Variants in PTCHD1 observed in about 807,000 individuals in gnomAD.
PTCHD1 encodes the protein patched domain containing 1.
Under a neutral mutation model 34.6 loss-of-function variants are expected in PTCHD1, and 3 were observed. The observed-to-expected ratio is 0.09, with a 90% CI of 0.04 to 0.22. PTCHD1 has a LOEUF of 0.22. Among genes scored for constraint, PTCHD1 ranks in the 10% least tolerant of loss-of-function variants. The pLI is 1.00. For missense variants in PTCHD1, 504 were observed against 685.5 expected (o/e 0.74, Z 2.96); for synonymous variants, 305 against 283.1 (o/e 1.08, Z -0.77).
chrX:23,345,684 A>G (rs1316620317), intron 1 of PTCHD1, among the ~76,000 whole-genome samples: 1 of 111,367 alleles, frequency 9.0e-6, no homozygotes, highest in Non-Finnish European at 1.9e-5. Context: ...TTGCTGGTCT[A>G]GGGACCACAC....
In PTCHD1 at chrX:23,360,596, C is replaced by A. The variant is rs747514428; in HGVS notation, c.352-18995C>A. Among the ~76,000 whole-genome samples, 17 of 111,506 alleles carry A rather than the reference C, an allele frequency of 1.5e-4. 1 individual carries two copies. In the East Asian group the frequency reaches 4.2e-3, roughly 28 times the overall value. On this transcript the variant is annotated intron_variant, in intron 1 of 2. Coordinates refer to ENST00000379361, the MANE Select transcript of PTCHD1 (RefSeq NM_173495.3). ...CTATTTTGTTGATCTTTTCAAAAAA[C>A]CAGCTCCTGGATTCACTGATTTTTT...
Position 23,393,952 on chromosome X carries a change from C to A in PTCHD1, c.2434C>A (p.Leu812Ile). ...YLCYIVGLIPLAAVPSNLTCT... is the reference protein window; with the variant it reads ...YLCYIVGLIPIAAVPSNLTCT... ...CTGCTATATTGTTGGTCTGATTCCT[C>A]TTGCAGCTGTGCCTTCAAATCTGAC... The change falls in exon 3 of 3, where the codon CTT becomes ATT. Residue 812 changes from leucine (L) to isoleucine (I), a missense_variant. Physicochemically the swap from Leu to Ile is conservative, Grantham distance 5. Transcript: ENST00000379361. The A allele has an allele frequency of 8.3e-7, 1 of 1,210,231 alleles. No homozygotes were observed.
chrX:23,393,930 C>T lies in PTCHD1; in HGVS notation c.2412C>T (p.Cys804=). The T allele has an allele frequency of 8.3e-7, 1 of 1,210,472 alleles. No homozygotes were observed. The highest frequency in any genetic ancestry group is 1.1e-6 in the Non-Finnish European group (1 of 894,553). The change falls in exon 3 of 3, where the codon TGC becomes TGT. Residue 804 remains cysteine, a synonymous_variant. Coordinates refer to ENST00000379361, the MANE Select transcript of PTCHD1 (RefSeq NM_173495.3). The part of the protein sequence containing the change: ...HGVAILQSYL[C]YIVGLIPLAA... ...TAGCTATTTTACAGAGTTACCTCTGCTATATTGTTGGTCTGATTCCTCTTG... is the reference window on the plus strand; with the variant it reads ...TAGCTATTTTACAGAGTTACCTCTGTTATATTGTTGGTCTGATTCCTCTTG...
At chrX:23,357,471 A>C (rs1460786813) in intron 1 of PTCHD1, among the ~76,000 whole-genome samples, 1 of 111,168 alleles carries the variant, frequency 9.0e-6, no homozygotes, top group Non-Finnish European at 1.9e-5. Context: ...TTTGGGAAAC[A>C]AACTAAATAT....
chrX:23,385,222 T>G (rs1922657192), intron 2 of PTCHD1, among the ~76,000 whole-genome samples: 1 of 112,007 alleles, frequency 8.9e-6, no homozygotes, highest in South Asian at 3.7e-4. Context: ...TTCTTGCCCT[T>G]TTATTCTTAT....
In PTCHD1 at chrX:23,403,184, C is replaced by T. The variant is rs1277229360; in HGVS notation, c.*8999C>T. 8.9e-6 allele frequency: 1 copy of T among 112,179 alleles called. No homozygotes were observed. Among genetic ancestry groups the T allele is most frequent in the Non-Finnish European group, 1.9e-5 (1 of 53,201 alleles). The allele number at this position is 112,179 out of a possible 1,213,427, so 9.2% of individuals were successfully genotyped here. On this transcript the variant is annotated 3_prime_UTR_variant, in exon 3 of 3. Transcript: ENST00000379361. Reference sequence around the variant, plus strand: ...AGACCACAGCTTGTCAAAGTAACCACTAATTCAGTATTCAGAAACCTTATC... The same window carrying T: ...AGACCACAGCTTGTCAAAGTAACCATTAATTCAGTATTCAGAAACCTTATC...
rs1309856234 is a variant in PTCHD1, at chrX:23,349,825, ACTC to A, written c.351+14600_351+14602del. 8.2e-5 allele frequency among the ~76,000 whole-genome samples: 9 copies of A among 110,226 alleles called. 1 individual carries two copies. The highest frequency in any genetic ancestry group is 2.6e-4 in the African/African-American group (8 of 30,294). Reference sequence around the variant, plus strand: ...CAGAGTAAGGGACAGCATGTCTACTACTCTGGGAAAATACATAATCCGACTCTA... The same window carrying A: ...CAGAGTAAGGGACAGCATGTCTACTATGGGAAAATACATAATCCGACTCTA... On this transcript the variant is annotated intron_variant, in intron 1 of 2. Coordinates refer to ENST00000379361, the MANE Select transcript of PTCHD1 (RefSeq NM_173495.3).
rs147609938 is a variant in PTCHD1, at chrX:23,374,043, G to A, written c.352-5548G>A. Among the ~76,000 whole-genome samples the A allele has an allele frequency of 3.8e-3, 413 of 109,870 alleles. 5 individuals are homozygous for A. The highest frequency in any genetic ancestry group is 0.013 in the African/African-American group (399 of 30,208). ...GAAGAAGTGGGAAGGGGGTGGAAAC[G>A]TGAGACAAGGAAGGGAAGACAGCCT... On this transcript the variant is annotated intron_variant, in intron 1 of 2. Transcript: ENST00000379361.
At chrX:23,390,163 G>A (rs1041769191) in intron 2 of PTCHD1, among the ~76,000 whole-genome samples, 2 of 110,636 alleles carry the variant, frequency 1.8e-5, no homozygotes, top group Admixed American at 9.6e-5. Flanking sequence ...TTCTAATTCC[G>A]CTATATGCTT....
In PTCHD1 at chrX:23,397,779, A is replaced by G. The variant is rs1264057551; in HGVS notation, c.*3594A>G. 9.0e-6 allele frequency: 1 copy of G among 111,173 alleles called. No homozygotes were observed. The highest frequency in any genetic ancestry group is 1.9e-5 in the Non-Finnish European group (1 of 53,052). The allele number at this position is 111,173 out of a possible 1,213,427, so 9.2% of individuals were successfully genotyped here. A position where few individuals can be genotyped will look rare whatever the true frequency, so the allele number is the denominator to read the frequency against. On this transcript the variant is annotated 3_prime_UTR_variant, in exon 3 of 3. Coordinates refer to ENST00000379361, the MANE Select transcript of PTCHD1 (RefSeq NM_173495.3). Reference sequence around the variant, plus strand: ...CACTTTTCTCCAGTGTCAATGACAGAGCTCAGCTGTGTCCATCACAAGAAA... The same window carrying G: ...CACTTTTCTCCAGTGTCAATGACAGGGCTCAGCTGTGTCCATCACAAGAAA...
intron 1 of PTCHD1, among the ~76,000 whole-genome samples, chrX:23,346,350 C>G (rs1921477945): frequency 9.0e-6 from 1 of 110,914 alleles, no homozygotes; most frequent in South Asian, 3.9e-4. Flanking sequence ...GAGATCCGAC[C>G]CACTCGGAAT....
chrX:23,392,425 T>C, intron 2 of PTCHD1, 106 bp from the exon 3 acceptor site: 1 of 557,417 alleles, frequency 1.8e-6, no homozygotes, highest in East Asian at 3.4e-5. Context: ...ACCACTAGGG[T>C]TGATTACGTT....
chrX:23,383,492 A>G lies in PTCHD1; in HGVS notation c.1012+3241A>G, dbSNP rs908192772. On this transcript the variant is annotated intron_variant, in intron 2 of 2. Coordinates refer to ENST00000379361, the MANE Select transcript of PTCHD1 (RefSeq NM_173495.3). ...ACCTGACAAAATTCCAGAAGAGGAA[A>G]GAATTTGGATAAACTCTTAAGAGTT... Among the ~76,000 whole-genome samples, 22 of 112,055 alleles carry G rather than the reference A, an allele frequency of 2.0e-4. 1 individual carries two copies. The highest frequency in any genetic ancestry group is 5.8e-4 in the African/African-American group (18 of 30,855).
intron 1 of PTCHD1, among the ~76,000 whole-genome samples, chrX:23,356,602 C>G (rs1247830701): frequency 9.0e-6 from 1 of 111,710 alleles, no homozygotes; most frequent in Non-Finnish European, 1.9e-5. Flanking sequence ...CTTCCAGCCT[C>G]AAATCAAATA....
chrX:23,390,103 T>A (rs1922790600), intron 2 of PTCHD1, among the ~76,000 whole-genome samples: 1 of 112,067 alleles, frequency 8.9e-6, no homozygotes, highest in African/African-American at 3.2e-5. Flanking sequence ...AACATCACAC[T>A]GATTTTTAAA....
Position 23,402,838 on chromosome X carries a change from C to T in PTCHD1, c.*8653C>T. The T allele has an allele frequency of 8.9e-6, 1 of 112,399 alleles. No individual in the cohort carries two copies. The highest frequency in any genetic ancestry group is 9.4e-5 in the Admixed American group (1 of 10,630). The allele number at this position is 112,399 out of a possible 1,213,427, so 9.3% of individuals were successfully genotyped here. A position where few individuals can be genotyped will look rare whatever the true frequency, so the allele number is the denominator to read the frequency against. On this transcript the variant is annotated 3_prime_UTR_variant, in exon 3 of 3. Transcript: ENST00000379361. ...GTTGTAAAAAATATGTCTACATAGC[C>T]AATGCTCTTAGTATTTTTAACAGCA...
intron 1 of PTCHD1, among the ~76,000 whole-genome samples, chrX:23,347,666 G>T (rs1390957936): frequency 9.0e-6 from 1 of 111,481 alleles, no homozygotes; most frequent in Non-Finnish European, 1.9e-5. Context: ...ATCAAAATCA[G>T]ACTCGGATAT....
At chrX:23,347,644 G>C (rs1365655304) in intron 1 of PTCHD1, among the ~76,000 whole-genome samples, 1 of 111,848 alleles carries the variant, frequency 8.9e-6, no homozygotes, top group Non-Finnish European at 1.9e-5. Context: ...AGTCTGAAGA[G>C]ACAAAGGAAA....
At chrX:23,337,651 C>T (rs1921204498) in intron 1 of PTCHD1, among the ~76,000 whole-genome samples, 1 of 111,107 alleles carries the variant, frequency 9.0e-6, no homozygotes, top group Admixed American at 9.5e-5. Flanking sequence ...TCAAGGATAG[C>T]ATTGACAGTT....
Sources: allele counts gnomAD v4.1 joint callset (sites outside exome capture counted in the v4.1 genomes callset), GRCh38; gene constraint gnomAD v4.1.1; transcripts MANE v1.5; gene names NCBI Gene and HGNC (gene_info 2026-07-23, HGNC 2026-07-21).